Variants in RIOK2 observed in about 807,000 individuals in gnomAD.
RIOK2 encodes the protein serine/threonine-protein kinase RIO2.
RIOK2 carries 46 observed loss-of-function variants against 62.4 expected under a neutral mutation model. That is an observed-to-expected ratio of 0.74 (90% CI 0.58 to 0.94). The LOEUF is 0.94. RIOK2 is among the 40% of genes least tolerant of loss of function. The pLI is 0.00. For missense variants in RIOK2, 574 were observed against 658.0 expected, an observed-to-expected ratio of 0.87 and a Z score of 1.40; for synonymous variants, 197 against 216.0, an observed-to-expected ratio of 0.91 and a Z score of 0.77.
chr5:97,168,995 A>G (rs1446352637), intron 6 of RIOK2, 143 bp from the exon 7 acceptor site: 2 of 507,720 alleles, frequency 3.9e-6, no homozygotes, highest in Non-Finnish European at 6.9e-6. Flanking sequence ...GAAAAAAGAT[A>G]CAAATGAGTT....
At chr5:97,180,140 A>G (rs71580788) in intron 1 of RIOK2, among the ~76,000 whole-genome samples, 36,008 of 78,858 alleles carry the variant, frequency 0.46, 8,137 homozygotes, top group East Asian at 0.54. Flanking sequence ...ATATATATAT[A>G]TGTATATATA....
chr5:97,181,469 T>C (rs112241316), intron 1 of RIOK2, among the ~76,000 whole-genome samples: 5,232 of 152,144 alleles, frequency 0.034, 111 homozygotes, highest in Middle Eastern at 0.058. Flanking sequence ...CAAGTTCATA[T>C]TGAAAGCTAA....
chr5:97,167,577 T>C lies in RIOK2; in HGVS notation c.1287A>G (p.Gln429=), dbSNP rs1399554755. The stretch of plus-strand genomic sequence containing the variant: ...CTCCTCCTTGAACTCTCTGACCATC[T>C]TGCCTGTTGTAATTTTCAGTTCTGT... ...EKNRTENYNR[Q]DGQRVQGGVP... Residue 429 remains glutamine, a synonymous_variant, in exon 8 of 10, where the codon CAA becomes CAG. Coordinates refer to ENST00000283109, the MANE Select transcript of RIOK2 (RefSeq NM_018343.3). 1.9e-6 allele frequency: 3 copies of C among 1,614,236 alleles called. No homozygotes were observed. Among genetic ancestry groups the C allele is most frequent in the South Asian group, 1.1e-5 (1 of 91,090 alleles).
intron 4 of RIOK2, among the ~76,000 whole-genome samples, chr5:97,174,708 C>G (rs1187434763): frequency 6.6e-6 from 1 of 152,132 alleles, no homozygotes. Flanking sequence ...CACTCACTAC[C>G]TGAAACCTCC....
intron 9 of RIOK2, among the ~76,000 whole-genome samples, chr5:97,163,426 C>G (rs928275812): frequency 1.3e-5 from 2 of 152,044 alleles, no homozygotes; most frequent in African/African-American, 2.4e-5. Context: ...AGTGTATAGG[C>G]AGAATTTTTA....
intron 8 of RIOK2, 82 bp downstream of exon 8, chr5:97,167,385 G>GA (rs1030718386): frequency 1.4e-5 from 22 of 1,531,184 alleles, no homozygotes; most frequent in South Asian, 9.1e-5. Flanking sequence ...CACATCATTT[G>GA]AAAAAAACAT....
chr5:97,166,355 G>T (rs925192531), intron 8 of RIOK2: 1 of 454,508 alleles, frequency 2.2e-6, no homozygotes, highest in Non-Finnish European at 4.4e-6. Context: ...CAGTAGCCCT[G>T]TGACACAGAT....
Position 97,161,570 on chromosome 5 carries a change from G to A in RIOK2, c.*1491C>T, listed in dbSNP as rs1748701056. ...TGAGGTAAGGCCTCCATTTCTGATT[G>A]GAATAATTAATTCCTTGGCCCACAA... On this transcript the variant is annotated 3_prime_UTR_variant, in exon 10 of 10. Coordinates refer to ENST00000283109, the MANE Select transcript of RIOK2 (RefSeq NM_018343.3). The A allele has an allele frequency of 6.6e-6, 1 of 152,052 alleles. No individual in the cohort carries two copies. The highest frequency in any genetic ancestry group is 2.4e-5 in the African/African-American group (1 of 41,422). The allele number at this position is 152,052 out of a possible 1,614,324, so 9.4% of individuals were successfully genotyped here.
chr5:97,163,968 C>T (rs969327745), intron 9 of RIOK2, among the ~76,000 whole-genome samples: 6 of 152,040 alleles, frequency 3.9e-5, no homozygotes, highest in Admixed American at 1.3e-4. Flanking sequence ...ACACAGTTCA[C>T]GGTGGCTGCA....
At chr5:97,182,081 TATC>T (rs1317981566) in intron 1 of RIOK2, among the ~76,000 whole-genome samples, 1 of 152,174 alleles carries the variant, frequency 6.6e-6, no homozygotes, top group Non-Finnish European at 1.5e-5. Context: ...AGGTAGTCCT[TATC>T]ATGGGGTTCA....
intron 4 of RIOK2, chr5:97,176,875 A>G (rs1749176473): frequency 2.5e-6 from 1 of 408,090 alleles, no homozygotes; most frequent in South Asian, 2.9e-5. Flanking sequence ...TCATCTTGTC[A>G]GCATTACAGA....
At chr5:97,177,027 G>A (rs1003501110) in intron 4 of RIOK2, 89 bp downstream of exon 4, 22 of 1,073,322 alleles carry the variant, frequency 2.0e-5, no homozygotes, top group Non-Finnish European at 2.9e-5. Flanking sequence ...AGAGATGTGG[G>A]GACAACAGAA....
At position 97,179,092 on chromosome 5, in the gene RIOK2, T is replaced by A. The variant is rs780396473; in HGVS notation, c.168A>T (p.Leu56Phe). The part of the protein sequence containing the change: ...HGGCNKVLRE[L>F]VKHKLIAWER... ...CCCAAGCTATGAGTTTATGTTTCAC[T>A]AATTCTCTTAAAACTTTATTACAGC... Residue 56 changes from leucine (L) to phenylalanine (F), a missense_variant, in exon 2 of 10, where the codon TTA (leucine) becomes TTT (phenylalanine). Physicochemically the swap from Leu to Phe is conservative, Grantham distance 22. Coordinates refer to ENST00000283109, the MANE Select transcript of RIOK2 (RefSeq NM_018343.3). 1 of 1,614,028 alleles carries A rather than the reference T, an allele frequency of 6.2e-7. No homozygotes were observed. Among genetic ancestry groups the A allele is most frequent in the South Asian group, 1.1e-5 (1 of 91,082 alleles).
intron 2 of RIOK2, among the ~76,000 whole-genome samples, chr5:97,178,263 G>T (rs1290415012): frequency 6.6e-6 from 1 of 152,114 alleles, no homozygotes; most frequent in Non-Finnish European, 1.5e-5. Context: ...ATGATCTAGG[G>T]TATGACTACT....
chr5:97,171,054 G>A (rs1013600178), intron 6 of RIOK2, 152 bp downstream of exon 6: 2 of 420,656 alleles, frequency 4.8e-6, no homozygotes, highest in African/African-American at 2.1e-5. Context: ...CCAGCTCCTC[G>A]GGAGGCTGAG....
In RIOK2 at chr5:97,162,822, C is replaced by A; in HGVS notation, c.*239G>T. 1 of 414,874 alleles carries A rather than the reference C, an allele frequency of 2.4e-6. No individual in the cohort carries two copies. The highest frequency in any genetic ancestry group is 4.2e-5 in the South Asian group (1 of 23,562). 25.7% of individuals were successfully genotyped at this position (414,874 alleles called of 1,614,324 possible). On this transcript the variant is annotated 3_prime_UTR_variant, in exon 10 of 10. Coordinates refer to ENST00000283109, the MANE Select transcript of RIOK2 (RefSeq NM_018343.3). ...TGTTATTTAGATTTTTAAAAATATG[C>A]AAATGTCTCTAATAAAGTTACGTAA...
intron 4 of RIOK2, among the ~76,000 whole-genome samples, chr5:97,174,419 CAAAAA>C (rs1047033415): frequency 3.4e-5 from 5 of 147,692 alleles, no homozygotes; most frequent in African/African-American, 1.3e-4. Context: ...GACTACACCT[CAAAAA>C]AAGTTTTTTT....
rs545676305 is a variant in RIOK2 at position 97,176,975 on chromosome 5, T to C, written c.498+141A>G. On this transcript the variant is annotated intron_variant, in intron 4 of 9. Transcript: ENST00000283109. ...AGAGCCCAAATAATCAACAGAGTTA[T>C]TTAAGATTGAGTCTGTCTGTAGGAA... is the stretch of plus-strand genomic sequence containing the variant. 4.0e-4 allele frequency: 284 copies of C among 703,570 alleles called. 8 individuals carry two copies. In the South Asian group the frequency reaches 4.2e-3, roughly 10 times the overall value. The allele number at this position is 703,570 out of a possible 1,614,324, so 43.6% of individuals were successfully genotyped here. A position where few individuals can be genotyped will look rare whatever the true frequency, so the allele number is the denominator to read the frequency against.
At chr5:97,169,902 C>A (rs1748951928) in intron 6 of RIOK2, among the ~76,000 whole-genome samples, 1 of 152,110 alleles carries the variant, frequency 6.6e-6, no homozygotes, top group Non-Finnish European at 1.5e-5. Flanking sequence ...CTATGTTACT[C>A]CTTATTAATA....
Sources: gnomAD v4.1 joint callset for allele counts (sites outside exome capture counted in the v4.1 genomes callset) on GRCh38, gnomAD v4.1.1 for gene constraint, MANE v1.5 for transcripts, NCBI Gene and HGNC (gene_info 2026-07-23, HGNC 2026-07-21) for gene names.